The following NAALADL2 variants were observed in gnomAD, a reference collection of about 807,000 sequenced individuals.
The protein encoded by NAALADL2 is inactive N-acetylated-alpha-linked acidic dipeptidase-like protein 2.
NAALADL2 carries 76 observed loss-of-function variants against 87.2 expected under a neutral mutation model. The observed-to-expected ratio is 0.87, with a 90% CI of 0.72 to 1.05. NAALADL2 has a LOEUF of 1.05. Ranked by LOEUF, NAALADL2 falls within the 50% of genes least tolerant of loss-of-function variation. NAALADL2 has a pLI of 0.00. For missense variants in NAALADL2, 1,089 were observed against 945.8 expected, an observed-to-expected ratio of 1.15 and a Z score of -1.99; for synonymous variants, 354 against 331.0, an observed-to-expected ratio of 1.07 and a Z score of -0.75.
rs1392231956 is a variant in NAALADL2 at position 175,360,189 on chromosome 3, G to A, written c.1090+35864G>A. ...AAAGCATTGTTCACAGATTAGCCAT[G>A]TGGTATTATTTATTTCCATTAATTT... On this transcript the variant is annotated intron_variant, in intron 5 of 13. Coordinates refer to ENST00000454872, the MANE Select transcript of NAALADL2 (RefSeq NM_207015.3). 2.0e-5 allele frequency among the ~76,000 whole-genome samples: 3 copies of A among 152,096 alleles called. 1 individual carries two copies. The highest frequency in any genetic ancestry group is 2.0e-4 in the Admixed American group (3 of 15,234).
intron 2 of NAALADL2, among the ~76,000 whole-genome samples, chr3:174,631,637 C>G (rs1223873037): frequency 2.6e-5 from 4 of 152,104 alleles, no homozygotes; most frequent in African/African-American, 9.7e-5. Flanking sequence ...AAAACATAAA[C>G]AAGACAAATA....
rs1461190641 is a variant in NAALADL2, at chr3:175,784,987, G to T, written c.2190-18018G>T. On this transcript the variant is annotated intron_variant, in intron 13 of 13. Coordinates refer to ENST00000454872, the MANE Select transcript of NAALADL2 (RefSeq NM_207015.3). ...CCCAGTAGTCATTCAGGAGCAGGTT[G>T]TCCAGTTTCCATGTAGTTGAGCAGT... Among the ~76,000 whole-genome samples the T allele has an allele frequency of 2.2e-3, 330 of 150,008 alleles. 1 individual carries two copies. The highest frequency in any genetic ancestry group is 7.9e-3 in the African/African-American group (312 of 39,712).
intron 11 of NAALADL2, among the ~76,000 whole-genome samples, chr3:175,635,936 C>G (rs981696137): frequency 5.3e-5 from 8 of 151,866 alleles, no homozygotes; most frequent in Admixed American, 1.3e-4. Context: ...CCAGACAATC[C>G]CTACTTAAAA....
At chr3:175,273,092 T>C (rs1395152764) in intron 4 of NAALADL2, among the ~76,000 whole-genome samples, 1 of 152,118 alleles carries the variant, frequency 6.6e-6, no homozygotes, top group Non-Finnish European at 1.5e-5. Context: ...TAGAGTCCTA[T>C]TTAATTATTT....
At chr3:174,692,885 T>C (rs1169518895) in intron 2 of NAALADL2, among the ~76,000 whole-genome samples, 1 of 139,964 alleles carries the variant, frequency 7.1e-6, no homozygotes, top group African/African-American at 2.5e-5. Flanking sequence ...ATTTTGTTCC[T>C]GAACTCAACT....
At chr3:175,013,301 A>ATATATATT (rs1553916905) in intron 1 of NAALADL2, among the ~76,000 whole-genome samples, 9 of 72,068 alleles carry the variant, frequency 1.2e-4, no homozygotes, top group East Asian at 8.3e-4. Flanking sequence ...ATATATATAT[A>ATATATATT]TTTTTTTTTT....
intron 5 of NAALADL2, among the ~76,000 whole-genome samples, chr3:175,430,049 T>G (rs981633000): frequency 2.4e-4 from 36 of 151,918 alleles, no homozygotes; most frequent in African/African-American, 8.2e-4. Context: ...TTCTTGTTTT[T>G]ATAATAAGAA....
At chr3:175,133,501 C>T (rs1728558876) in intron 2 of NAALADL2, among the ~76,000 whole-genome samples, 1 of 152,254 alleles carries the variant, frequency 6.6e-6, no homozygotes, top group African/African-American at 2.4e-5. Flanking sequence ...TGGCGGATCA[C>T]TCGCAGCTAG....
intron 8 of NAALADL2, among the ~76,000 whole-genome samples, chr3:175,470,955 A>G (rs1724771448): frequency 6.6e-6 from 1 of 152,160 alleles, no homozygotes; most frequent in Admixed American, 6.5e-5. Flanking sequence ...TCATCACTGA[A>G]GTGGTTTATC....
chr3:174,537,180 T>A (rs1035442884), intron 1 of NAALADL2, among the ~76,000 whole-genome samples: 1 of 152,194 alleles, frequency 6.6e-6, no homozygotes, highest in Non-Finnish European at 1.5e-5. Flanking sequence ...ATTGTAGAAA[T>A]GTATCACAAG....
intron 2 of NAALADL2, among the ~76,000 whole-genome samples, chr3:174,683,629 GGTGTGTGTGTGTGTGT>G (rs10522220): frequency 4.1e-5 from 6 of 147,048 alleles, no homozygotes; most frequent in African/African-American, 7.5e-5. Flanking sequence ...CAGAACTTCT[GGTGTGTGTGTGTGTGT>G]GTGTGTGTGT....
At chr3:175,055,316 C>T (rs755443546) in intron 1 of NAALADL2, among the ~76,000 whole-genome samples, 1 of 152,204 alleles carries the variant, frequency 6.6e-6, no homozygotes, top group Non-Finnish European at 1.5e-5. Flanking sequence ...TGAATTTCCC[C>T]ATTGTAATCT....
At chr3:174,446,334 G>A (rs925342710) in intron 1 of NAALADL2, among the ~76,000 whole-genome samples, 1 of 152,096 alleles carries the variant, frequency 6.6e-6, no homozygotes, top group African/African-American at 2.4e-5. Context: ...TATATTCTTT[G>A]TATATAATAT....
chr3:174,470,245 A>G (rs1401179203), intron 1 of NAALADL2, among the ~76,000 whole-genome samples: 2 of 152,100 alleles, frequency 1.3e-5, no homozygotes, highest in Non-Finnish European at 2.9e-5. Flanking sequence ...CTCTTTGATG[A>G]TTAGTGATAT....
At chr3:174,958,915 C>T (rs1326464638) in intron 1 of NAALADL2, among the ~76,000 whole-genome samples, 1 of 152,010 alleles carries the variant, frequency 6.6e-6, no homozygotes, top group Admixed American at 6.6e-5. Context: ...AAGCACTTAG[C>T]AGTGCAATCA....
At chr3:175,233,858 A>G (rs1158519291) in intron 2 of NAALADL2, 73 bp from the exon 3 acceptor site, 2 of 788,792 alleles carry the variant, frequency 2.5e-6, no homozygotes, top group African/African-American at 3.5e-5. Context: ...TTGTTCATAT[A>G]TTGAGCAGTC....
intron 4 of NAALADL2, among the ~76,000 whole-genome samples, chr3:175,269,602 C>T (rs1752494947): frequency 6.6e-6 from 1 of 152,198 alleles, no homozygotes; most frequent in Admixed American, 6.5e-5. Context: ...TTCAGATACA[C>T]ACTCTCAGGT....
chr3:174,698,870 G>GAAAAAAAAAAAAAAAAAAAAAAAA (rs1008476334), intron 2 of NAALADL2, among the ~76,000 whole-genome samples: 9 of 83,022 alleles, frequency 1.1e-4, no homozygotes, highest in African/African-American at 7.5e-4. Context: ...TCTCAAAGAA[G>GAAAAAAAAAAAAAAAAAAAAAAAA]AAAAAAAAAA....
intron 1 of NAALADL2, among the ~76,000 whole-genome samples, chr3:174,441,432 C>G (rs1714610055): frequency 6.6e-6 from 1 of 152,168 alleles, no homozygotes; most frequent in Non-Finnish European, 1.5e-5. Context: ...GCAGTGCACG[C>G]CGGCCAGGCA....
Sources: gnomAD v4.1 joint callset for allele counts (sites outside exome capture counted in the v4.1 genomes callset) on GRCh38, gnomAD v4.1.1 for gene constraint, MANE v1.5 for transcripts, NCBI Gene and HGNC (gene_info 2026-07-23, HGNC 2026-07-21) for gene names.